Variants in TNS3 observed in about 807,000 individuals in gnomAD.
TNS3 encodes the protein tensin-3.
Under a neutral mutation model 140.9 loss-of-function variants are expected in TNS3, and 45 were observed. The observed-to-expected ratio is 0.32, with a 90% confidence interval of 0.25 to 0.41. TNS3 has a LOEUF of 0.41. TNS3 is among the 10% of genes least tolerant of loss of function. TNS3 has a pLI of 1.00. For missense variants in TNS3, 1,716 were observed against 1,906.7 expected (o/e 0.90, Z 1.86); for synonymous variants, 815 against 788.4 (o/e 1.03, Z -0.56).
At position 47,424,169 on chromosome 7, in the gene TNS3, A is replaced by T; in HGVS notation, c.405T>A (p.Leu135=). 1 of 1,614,182 alleles carries T rather than the reference A, an allele frequency of 6.2e-7. No individual in the cohort carries two copies. Among genetic ancestry groups the T allele is most frequent in the Non-Finnish European group, 8.5e-7 (1 of 1,180,040 alleles). The part of the protein sequence containing the change: ...TNVSASADQA[L]DRFAMKKFYD... The stretch of plus-strand genomic sequence containing the variant: ...AAAACTTCTTCATTGCAAACCTGTC[A>T]AGGGCCTGGTCGGCGCTGAAGGGGA... Residue 135 remains leucine (L), a synonymous_variant, in exon 10 of 31, where the codon CTT becomes CTA. Transcript: ENST00000311160.
At chr7:47,514,810 A>C (rs1798726164) in intron 2 of TNS3, among the ~76,000 whole-genome samples, 1 of 152,100 alleles carries the variant, frequency 6.6e-6, no homozygotes, top group Admixed American at 6.6e-5. Flanking sequence ...AGTCCCACAA[A>C]ACTTGTAACT....
chr7:47,386,048 C>A (rs2151256502), intron 16 of TNS3, among the ~76,000 whole-genome samples: 1 of 152,320 alleles, frequency 6.6e-6, no homozygotes, highest in Non-Finnish European at 1.5e-5. Context: ...GTATAATTTC[C>A]CATAGACTGT....
chr7:47,394,494 C>A (rs1018495380), intron 16 of TNS3, among the ~76,000 whole-genome samples: 9 of 152,190 alleles, frequency 5.9e-5, no homozygotes, highest in African/African-American at 1.9e-4. Context: ...TTTAAGACAC[C>A]CAGGTTATGG....
chr7:47,530,838 A>AAAAAAAAAAAATATATATATATATATAT, intron 1 of TNS3, among the ~76,000 whole-genome samples: 1 of 54,560 alleles, frequency 1.8e-5, no homozygotes, highest in African/African-American at 7.9e-5. Flanking sequence ...AAAAAAAAAA[A>AAAAAAAAAAAATATATATATATATATAT]ATATATATAT....
chr7:47,277,573 T>G lies in TNS3; in HGVS notation c.*503A>C. 1 of 212,442 alleles carries G rather than the reference T, an allele frequency of 4.7e-6. No individual in the cohort carries two copies. Among genetic ancestry groups the G allele is most frequent in the Non-Finnish European group, 9.5e-6 (1 of 105,506 alleles). 13.2% of individuals were successfully genotyped at this position (212,442 alleles called of 1,614,324 possible). The stretch of plus-strand genomic sequence containing the variant: ...AACCTTCGTCAAACATACGCCCCCT[T>G]CTCAGTTTCGTTAGCATCTCCATCT... On this transcript the variant is annotated 3_prime_UTR_variant, in exon 31 of 31. Coordinates refer to ENST00000311160, the MANE Select transcript of TNS3 (RefSeq NM_022748.12).
intron 1 of TNS3, among the ~76,000 whole-genome samples, chr7:47,573,448 C>T (rs887381957): frequency 6.6e-6 from 1 of 152,216 alleles, no homozygotes; most frequent in Non-Finnish European, 1.5e-5. Flanking sequence ...CAGGGCTTTG[C>T]CACAGTTCTC....
chr7:47,334,339 G>A (rs1788503666), intron 20 of TNS3, among the ~76,000 whole-genome samples: 1 of 152,088 alleles, frequency 6.6e-6, no homozygotes, highest in Admixed American at 6.5e-5. Context: ...ATATATAAAG[G>A]CATCCTCTTG....
chr7:47,444,353 T>C (rs1223673348), intron 4 of TNS3, among the ~76,000 whole-genome samples: 2 of 152,236 alleles, frequency 1.3e-5, no homozygotes, highest in East Asian at 3.8e-4. Flanking sequence ...GGGCTGTCGC[T>C]TCAGACCCTA....
chr7:47,279,636 A>T (rs1327177090), intron 30 of TNS3: 1 of 156,812 alleles, frequency 6.4e-6, no homozygotes, highest in African/African-American at 2.4e-5. Context: ...CGGGAGGCAG[A>T]GGTTGCAGTG....
intron 16 of TNS3, among the ~76,000 whole-genome samples, chr7:47,369,954 T>C (rs545127175): frequency 8.5e-5 from 13 of 152,358 alleles, no homozygotes; most frequent in Admixed American, 7.8e-4. Flanking sequence ...ATTGTGAACA[T>C]TGAGCTCGGC....
intron 15 of TNS3, among the ~76,000 whole-genome samples, chr7:47,398,491 T>A (rs188720058): frequency 6.6e-6 from 1 of 152,328 alleles, no homozygotes; most frequent in Admixed American, 6.5e-5. Flanking sequence ...CAAGTGGATT[T>A]CATCCCAGGA....
At chr7:47,415,260 G>A in intron 10 of TNS3, 54 bp from the exon 11 acceptor site, 1 of 1,326,542 alleles carries the variant, frequency 7.5e-7, no homozygotes, top group South Asian at 1.3e-5. Context: ...AGCCTCTGCT[G>A]AGAAGGGAAC....
At chr7:47,467,294 G>A (rs927515979) in intron 4 of TNS3, among the ~76,000 whole-genome samples, 1 of 152,246 alleles carries the variant, frequency 6.6e-6, no homozygotes, top group African/African-American at 2.4e-5. Flanking sequence ...TGTTAGTTAA[G>A]TAGAGAAAAA....
chr7:47,482,291 C>T (rs1257220288), intron 3 of TNS3, among the ~76,000 whole-genome samples: 1 of 152,202 alleles, frequency 6.6e-6, no homozygotes, highest in Non-Finnish European at 1.5e-5. Context: ...TTTATAGCCT[C>T]TTGCTTATCT....
chr7:47,578,603 CTCCTGGAGT>C, intron 1 of TNS3, among the ~76,000 whole-genome samples: 1 of 152,002 alleles, frequency 6.6e-6, no homozygotes, highest in Non-Finnish European at 1.5e-5. Context: ...GGCCACGGTG[CTCCTGGAGT>C]ACACTGAGCA....
At chr7:47,454,111 AC>A (rs1440735330) in intron 4 of TNS3, among the ~76,000 whole-genome samples, 2 of 152,192 alleles carry the variant, frequency 1.3e-5, no homozygotes, top group African/African-American at 4.8e-5. Context: ...CCCCAGCATA[AC>A]CCTATCAGTG....
At chr7:47,296,998 CTTTTA>C in intron 24 of TNS3, 79 bp downstream of exon 24, 2 of 1,519,818 alleles carry the variant, frequency 1.3e-6, no homozygotes, top group Non-Finnish European at 1.8e-6. Context: ...TTAAAGTCAT[CTTTTA>C]TTTTATTAGC....
intron 4 of TNS3, among the ~76,000 whole-genome samples, chr7:47,459,734 A>G (rs1477265748): frequency 6.6e-6 from 1 of 152,196 alleles, no homozygotes; most frequent in Non-Finnish European, 1.5e-5. Flanking sequence ...CATCTGTTCC[A>G]TAATCAAGAC....
chr7:47,564,649 A>C (rs201080347), intron 1 of TNS3, among the ~76,000 whole-genome samples: 36 of 47,264 alleles, frequency 7.6e-4, no homozygotes, highest in African/African-American at 2.9e-3. Context: ...AAAAAAAAAA[A>C]CAAAAAAAAA....
Sources: allele counts gnomAD v4.1 joint callset (sites outside exome capture counted in the v4.1 genomes callset), GRCh38; gene constraint gnomAD v4.1.1; transcripts MANE v1.5; gene names NCBI Gene and HGNC (gene_info 2026-07-23, HGNC 2026-07-21).